Variants in CALM2 observed in about 807,000 individuals in gnomAD.
CALM2 encodes calmodulin 2.
In CALM2, 2 loss-of-function variants were observed where a neutral mutation model predicts 19.8. The observed-to-expected ratio is 0.10, with a 90% CI of 0.04 to 0.32. The LOEUF (loss-of-function observed/expected upper bound fraction) is 0.32, where lower values mean the gene tolerates loss of function less well. Ranked by LOEUF, CALM2 falls within the 10% of genes least tolerant of loss-of-function variation. The probability of loss-of-function intolerance (pLI) is 1.00; values close to 1 mark genes in which losing one functional copy is unlikely to be tolerated. For synonymous variants in CALM2, 51 were observed against 52.1 expected (o/e 0.98, Z 0.09); for missense variants, 38 against 178.7 (o/e 0.21, Z 4.49).
chr2:47,176,734 A>C, upstream of CALM2: 1 of 1,376,096 alleles, frequency 7.3e-7, no homozygotes, highest in Non-Finnish European at 9.4e-7. Flanking sequence ...GCGAGCCGTT[A>C]AAAGGCCGGT....
chr2:47,162,171 C>CAAAAAAAAAAAAAAA (rs56839340), intron 4 of CALM2, 115 bp downstream of exon 4: 57 of 130,118 alleles, frequency 4.4e-4, no homozygotes, highest in African/African-American at 6.2e-4. Context: ...GGTAAATCAT[C>CAAAAAAAAAAAAAAA]AAAAAAAAAA....
rs1401591751 is a variant in CALM2 at position 47,167,519 on chromosome 2, C to T, written c.34+3215G>A. The T allele has an allele frequency of 2.2e-5, 4 of 185,758 alleles. 1 individual carries two copies. The highest frequency in any genetic ancestry group is 4.7e-5 in the Non-Finnish European group (4 of 85,652). 11.5% of individuals were successfully genotyped at this position (185,758 alleles called of 1,614,324 possible). A position where few individuals can be genotyped will look rare whatever the true frequency, so the allele number is the denominator to read the frequency against. ...GACCAGCCTGGCCAACATGGTGAAA[C>T]CCCATCTCTCCTAAAAATACAAAAA... On this transcript the variant is annotated intron_variant, in intron 2 of 5. Transcript: ENST00000272298.
intron 1 of CALM2, chr2:47,172,335 T>C: frequency 2.2e-6 from 1 of 444,666 alleles, no homozygotes; most frequent in South Asian, 1.7e-5. Context: ...GCCCTGCCAT[T>C]TAATAGCTGT....
intron 2 of CALM2, among the ~76,000 whole-genome samples, chr2:47,165,410 A>AC (rs775638699): frequency 1.3e-5 from 2 of 152,134 alleles, no homozygotes; most frequent in Non-Finnish European, 2.9e-5. Flanking sequence ...TCACCTGGTC[A>AC]CCCCCCATAA....
At chr2:47,164,981 G>A (rs966801555) in intron 2 of CALM2, among the ~76,000 whole-genome samples, 2 of 151,968 alleles carry the variant, frequency 1.3e-5, no homozygotes, top group Non-Finnish European at 2.9e-5. Flanking sequence ...TCTTCACATC[G>A]CTTAGCCTAA....
chr2:47,175,425 G>C (rs925018896), intron 1 of CALM2, among the ~76,000 whole-genome samples: 6 of 152,142 alleles, frequency 3.9e-5, no homozygotes, highest in East Asian at 1.9e-4. Flanking sequence ...AGTCACTCCG[G>C]AGCCTGCTTC....
At position 47,161,919 on chromosome 2, in the gene CALM2, AT is replaced by A. The variant is rs1451597802; in HGVS notation, c.286-62del. 12 of 1,388,928 alleles carry A rather than the reference AT, an allele frequency of 8.6e-6. No individual in the cohort carries two copies. The East Asian group carries it at 2.8e-4, about 33-fold the overall frequency. 86.0% of individuals were successfully genotyped at this position (1,388,928 alleles called of 1,614,324 possible). A position where few individuals can be genotyped will look rare whatever the true frequency, so the allele number is the denominator to read the frequency against. ...TACAGACTTGAGAGTTGGAATGGAA[AT>A]TTATTAAGTTTACTACTAAATTTCA... is the stretch of plus-strand genomic sequence containing the variant. On this transcript the variant is annotated intron_variant, in intron 4 of 5. Transcript: ENST00000272298.
At chr2:47,176,640 C>G, upstream of CALM2, 2 of 1,487,146 alleles carry the variant, frequency 1.3e-6, no homozygotes, top group Non-Finnish European at 1.8e-6. Context: ...TTCTCGGGAC[C>G]CCTTTCTTCA....
At chr2:47,175,830 A>C (rs984735769) in intron 1 of CALM2, among the ~76,000 whole-genome samples, 11 of 147,276 alleles carry the variant, frequency 7.5e-5, no homozygotes, top group Non-Finnish European at 9.1e-5. Flanking sequence ...CCCCGCCCCC[A>C]CCGGCCGCTC....
intron 1 of CALM2, 43 bp downstream of exon 1, chr2:47,176,398 T>TC (rs746645212): frequency 3.7e-6 from 6 of 1,609,580 alleles, no homozygotes; most frequent in Non-Finnish European, 4.2e-6. Flanking sequence ...TCCAGTCTCT[T>TC]CCCCCCACAG....
intron 1 of CALM2, among the ~76,000 whole-genome samples, chr2:47,174,834 G>C (rs778580327): frequency 1.3e-5 from 2 of 151,960 alleles, no homozygotes; most frequent in Admixed American, 6.6e-5. Context: ...AATGTAACCA[G>C]CACATTCAAA....
chr2:47,174,173 A>G (rs1017921808), intron 1 of CALM2: 1 of 152,212 alleles, frequency 6.6e-6, no homozygotes, highest in Non-Finnish European at 1.5e-5. Context: ...GCATATGTTG[A>G]TTACATGTAA....
intron 5 of CALM2, among the ~76,000 whole-genome samples, chr2:47,161,048 G>A (rs1206665215): frequency 6.6e-6 from 1 of 152,222 alleles, no homozygotes; most frequent in South Asian, 2.1e-4. Flanking sequence ...ATAAAAAAGA[G>A]CATTCTTGGC....
intron 1 of CALM2, chr2:47,171,057 C>A: frequency 1.0e-5 from 3 of 295,268 alleles, no homozygotes; most frequent in Middle Eastern, 1.0e-3. Flanking sequence ...AACTTAAGCT[C>A]ACTTCTATTC....
At chr2:47,165,688 C>A (rs186536894) in intron 2 of CALM2, among the ~76,000 whole-genome samples, 1 of 152,112 alleles carries the variant, frequency 6.6e-6, no homozygotes, top group Non-Finnish European at 1.5e-5. Context: ...CCACTTACAA[C>A]GAAGATATCT....
At chr2:47,161,278 C>T (rs1475187752) in intron 5 of CALM2, among the ~76,000 whole-genome samples, 1 of 152,100 alleles carries the variant, frequency 6.6e-6, no homozygotes, top group African/African-American at 2.4e-5. Flanking sequence ...AGATACGATA[C>T]TTTTGAAGCA....
chr2:47,176,404 C>A (rs533301274), intron 1 of CALM2, 37 bp downstream of exon 1: 111 of 1,611,496 alleles, frequency 6.9e-5, no homozygotes, highest in Middle Eastern at 1.7e-4. Flanking sequence ...CTCTTCCCCC[C>A]ACAGGCCCAG....
upstream of CALM2, chr2:47,176,744 T>C (rs1186483697): frequency 2.9e-6 from 4 of 1,371,138 alleles, no homozygotes; most frequent in Middle Eastern, 8.3e-4. Flanking sequence ...AAAAGGCCGG[T>C]GGAGCGGCCC....
chr2:47,163,733 A>G (rs1025982014), intron 2 of CALM2: 2 of 152,022 alleles, frequency 1.3e-5, no homozygotes, highest in Non-Finnish European at 2.9e-5. Flanking sequence ...GTGCCCGGCT[A>G]TATGTTCCTT....
Sources: gnomAD v4.1 joint callset for allele counts (sites outside exome capture counted in the v4.1 genomes callset) on GRCh38, gnomAD v4.1.1 for gene constraint, MANE v1.5 for transcripts, NCBI Gene and HGNC (gene_info 2026-07-23, HGNC 2026-07-21) for gene names.